Variants in PRSS23 observed in about 807,000 individuals in gnomAD.
PRSS23 encodes protease, serine 23.
In PRSS23, 25 loss-of-function variants were observed where a neutral mutation model predicts 34.7. The observed-to-expected ratio is 0.72, with a 90% CI of 0.53 to 1.01. PRSS23 has a LOEUF of 1.01. Ranked by LOEUF, PRSS23 falls within the 50% of genes least tolerant of loss-of-function variation. The probability of loss-of-function intolerance (pLI) is 0.00; values close to 1 mark genes in which losing one functional copy is unlikely to be tolerated. For missense variants in PRSS23, 445 were observed against 475.6 expected (o/e 0.94, Z 0.60); for synonymous variants, 176 against 186.6 (o/e 0.94, Z 0.46).
intron 2 of PRSS23, among the ~76,000 whole-genome samples, chr11:86,874,020 T>A (rs998101651): frequency 6.6e-6 from 1 of 152,226 alleles, no homozygotes; most frequent in Non-Finnish European, 1.5e-5. Flanking sequence ...AATCTATGTC[T>A]TGTGATGGAA....
In PRSS23 at chr11:86,800,627, G is replaced by T; in HGVS notation, c.-38G>T. The stretch of plus-strand genomic sequence containing the variant: ...CTGTCTGAGCGGCGCAGCGAGCCGC[G>T]GCCCGGGCGGGCTGCTCGGCGCGGG... On this transcript the variant is annotated 5_prime_UTR_variant, in exon 1 of 2. Coordinates refer to ENST00000280258, the MANE Select transcript of PRSS23 (RefSeq NM_007173.6). 1 of 985,152 alleles carries T rather than the reference G, an allele frequency of 1.0e-6. No homozygotes were observed. The highest frequency in any genetic ancestry group is 1.2e-6 in the Non-Finnish European group (1 of 829,834). The allele number at this position is 985,152 out of a possible 1,614,324, so 61.0% of individuals were successfully genotyped here.
At chr11:86,832,469 C>A in intron 2 of PRSS23, 1 of 202,502 alleles carries the variant, frequency 4.9e-6, no homozygotes, top group Non-Finnish European at 1.0e-5. Context: ...TTTGACCTTG[C>A]TGCCTTTTTT....
At chr11:86,914,895 GAA>G (rs2134997248) in intron 2 of PRSS23, among the ~76,000 whole-genome samples, 1 of 152,302 alleles carries the variant, frequency 6.6e-6, no homozygotes, top group South Asian at 2.1e-4. Flanking sequence ...CTCAGATTTT[GAA>G]AAAGTTTCAG....
At chr11:86,892,873 A>C (rs1278081734) in intron 2 of PRSS23, among the ~76,000 whole-genome samples, 2 of 152,224 alleles carry the variant, frequency 1.3e-5, no homozygotes, top group Non-Finnish European at 2.9e-5. Flanking sequence ...AACAATTCAC[A>C]CCGTGATCAA....
At chr11:86,829,436 T>C (rs1429591841) in intron 2 of PRSS23, among the ~76,000 whole-genome samples, 1 of 152,240 alleles carries the variant, frequency 6.6e-6, no homozygotes, top group Non-Finnish European at 1.5e-5. Context: ...GCCTTTGGTT[T>C]GAATTTCCTC....
intron 2 of PRSS23, among the ~76,000 whole-genome samples, chr11:86,859,205 AGAT>A (rs1203472333): frequency 1.3e-5 from 2 of 151,970 alleles, no homozygotes; most frequent in Non-Finnish European, 2.9e-5. Context: ...GGGAAGAAGA[AGAT>A]GATATTACTC....
At chr11:86,910,815 GT>G (rs1472707513) in intron 2 of PRSS23, 2 of 151,964 alleles carry the variant, frequency 1.3e-5, no homozygotes, top group African/African-American at 4.8e-5. Flanking sequence ...ACATTTGTTT[GT>G]TTTCCCATTA....
exon 3 of PRSS23, chr11:86,951,918 T>C: frequency 6.2e-7 from 1 of 1,613,938 alleles, no homozygotes; most frequent in Non-Finnish European, 8.5e-7. Context: ...TCACAGGATA[T>C]CCTTTCCCGG....
chr11:86,895,779 C>G (rs1948871207), intron 2 of PRSS23, among the ~76,000 whole-genome samples: 1 of 152,190 alleles, frequency 6.6e-6, no homozygotes, highest in Non-Finnish European at 1.5e-5. Context: ...CGTGCCTGGC[C>G]TGTATTCACC....
At chr11:86,876,443 A>G (rs113947139) in intron 2 of PRSS23, among the ~76,000 whole-genome samples, 1 of 152,222 alleles carries the variant, frequency 6.6e-6, no homozygotes, top group Admixed American at 6.5e-5. Flanking sequence ...GAGAATAATA[A>G]TAACCACCTT....
At chr11:86,845,048 A>G (rs1225392959) in intron 2 of PRSS23, among the ~76,000 whole-genome samples, 5 of 151,848 alleles carry the variant, frequency 3.3e-5, no homozygotes, top group Admixed American at 6.6e-5. Context: ...AGATCACACC[A>G]TTGCACTTCA....
At chr11:86,840,227 A>G (rs1417425145) in intron 2 of PRSS23, among the ~76,000 whole-genome samples, 1 of 152,226 alleles carries the variant, frequency 6.6e-6, no homozygotes, top group Non-Finnish European at 1.5e-5. Flanking sequence ...AAAGATGCAC[A>G]TAGGCTCAAA....
At chr11:86,863,283 A>T (rs1011632154) in intron 2 of PRSS23, among the ~76,000 whole-genome samples, 2 of 152,202 alleles carry the variant, frequency 1.3e-5, no homozygotes, top group African/African-American at 4.8e-5. Flanking sequence ...TCCTAATATC[A>T]TATTGGATGT....
chr11:86,945,726 G>A (rs998583849), intron 2 of PRSS23: 1 of 152,576 alleles, frequency 6.6e-6, no homozygotes, highest in Non-Finnish European at 1.5e-5. Flanking sequence ...AAATAGCAAG[G>A]GGTTTTCTTT....
chr11:86,916,818 C>G (rs1196474301), intron 2 of PRSS23, among the ~76,000 whole-genome samples: 2 of 152,208 alleles, frequency 1.3e-5, no homozygotes, highest in Middle Eastern at 3.4e-3. Context: ...AGTAACCACC[C>G]CTCTCTGTGC....
In PRSS23 at chr11:86,827,653, A is replaced by G. The variant is rs1590881596; in HGVS notation, c.206+4060A>G. ...TTTAGTGCTATAAATTTCCCTCTAC[A>G]CACTGCTTTGAATGTGTCCCAGAGA... On this transcript the variant is annotated intron_variant, in intron 2 of 2. Transcript: ENST00000533902. Among the ~76,000 whole-genome samples the G allele has an allele frequency of 2.0e-5, 3 of 151,440 alleles. No homozygotes were observed. In the South Asian group the frequency reaches 6.4e-4, roughly 32 times the overall value.
chr11:86,843,879 A>G (rs1590890391), intron 2 of PRSS23, among the ~76,000 whole-genome samples: 1 of 152,354 alleles, frequency 6.6e-6, no homozygotes, highest in East Asian at 1.9e-4. Flanking sequence ...ATCTAGAACT[A>G]GAAATACCAT....
chr11:86,906,864 G>T (rs570893794), intron 2 of PRSS23, among the ~76,000 whole-genome samples: 1 of 152,128 alleles, frequency 6.6e-6, no homozygotes, highest in South Asian at 2.1e-4. Context: ...ACAAATTAAG[G>T]CACCGAGAAA....
At chr11:86,823,246 T>A in intron 1 of PRSS23, 1 of 610,488 alleles carries the variant, frequency 1.6e-6, no homozygotes, top group Non-Finnish European at 2.9e-6. Flanking sequence ...AAAAGCATCA[T>A]AAAAAAAAAT....
Sources: allele counts gnomAD v4.1 joint callset (sites outside exome capture counted in the v4.1 genomes callset), GRCh38; gene constraint gnomAD v4.1.1; transcripts MANE v1.5; gene names NCBI Gene and HGNC (gene_info 2026-07-23, HGNC 2026-07-21).